Variants in DHX15 observed in about 807,000 individuals in gnomAD.
The protein encoded by DHX15 is DEAH-box helicase 15.
Under a neutral mutation model 94.4 loss-of-function variants are expected in DHX15, and 11 were observed. The ratio of observed to expected loss-of-function variants is 0.12; its 90% CI spans 0.07 to 0.19. DHX15 has a LOEUF of 0.19. Among genes scored for constraint, DHX15 ranks in the 10% least tolerant of loss-of-function variants. The pLI, the probability that DHX15 is intolerant of heterozygous loss-of-function variation, is 1.00. For synonymous variants in DHX15, 338 were observed against 329.9 expected, an observed-to-expected ratio of 1.02 and a Z score of -0.27; for missense variants, 304 against 988.5, an observed-to-expected ratio of 0.31 and a Z score of 9.29.
rs58459661 is a variant in DHX15 at position 24,550,094 on chromosome 4, C to CAAAAAAAAAAAAAAAAAAAAAAAAAAA, written c.1081-1099_1081-1073dup. Among the ~76,000 whole-genome samples the CAAAAAAAAAAAAAAAAAAAAAAAAAAA allele has an allele frequency of 8.4e-4, 42 of 49,742 alleles. 7 individuals carry two copies. Among genetic ancestry groups the CAAAAAAAAAAAAAAAAAAAAAAAAAAA allele is most frequent in the South Asian group, 4.8e-3 (4 of 836 alleles). 32.6% of individuals were successfully genotyped at this position (49,742 alleles called of 152,430 possible). A position where few individuals can be genotyped will look rare whatever the true frequency, so the allele number is the denominator to read the frequency against. ...GGGCAAAAAGAGGGAAACTCCGTCT[C>CAAAAAAAAAAAAAAAAAAAAAAAAAAA]AAAAAAAAAAAAAAAAAAAAAAAAA... On this transcript the variant is annotated intron_variant, in intron 5 of 13. Coordinates refer to ENST00000336812, the MANE Select transcript of DHX15 (RefSeq NM_001358.3).
intron 11 of DHX15, among the ~76,000 whole-genome samples, chr4:24,534,405 G>A (rs1721151399): frequency 6.6e-6 from 1 of 152,168 alleles, no homozygotes; most frequent in African/African-American, 2.4e-5. Flanking sequence ...ATGTACTACA[G>A]ATGGAAAAAT....
chr4:24,554,639 T>C (rs1238948691), intron 5 of DHX15, 86 bp downstream of exon 5: 2 of 1,009,156 alleles, frequency 2.0e-6, no homozygotes, highest in African/African-American at 3.2e-5. Flanking sequence ...ATAAAAAATA[T>C]GATTAACATG....
At chr4:24,535,891 C>T (rs1381227452) in intron 11 of DHX15, among the ~76,000 whole-genome samples, 2 of 152,022 alleles carry the variant, frequency 1.3e-5, no homozygotes, top group Non-Finnish European at 2.9e-5. Flanking sequence ...ACCAGACATA[C>T]AAAATTGGAA....
chr4:24,570,644 T>C lies in DHX15; in HGVS notation c.701+10A>G, dbSNP rs764434223. On this transcript the variant is annotated intron_variant, in intron 3 of 13. Transcript: ENST00000336812. ...AGGACTAAAAGCGTCATTAAAGATA[T>C]AGTACTTACTTAAGAATGGTTTTTG... 9.6e-5 allele frequency: 155 copies of C among 1,613,158 alleles called. No individual in the cohort carries two copies. Among genetic ancestry groups the C allele is most frequent in the Non-Finnish European group, 1.2e-4 (144 of 1,179,272 alleles).
intron 6 of DHX15, among the ~76,000 whole-genome samples, chr4:24,547,486 C>T (rs1371328281): frequency 6.6e-6 from 1 of 151,996 alleles, no homozygotes; most frequent in Non-Finnish European, 1.5e-5. Context: ...AAATATGGGC[C>T]CATATATCTC....
chr4:24,584,146 G>C, intron 1 of DHX15, 177 bp downstream of exon 1: 1 of 639,786 alleles, frequency 1.6e-6, no homozygotes, highest in South Asian at 2.0e-5. Context: ...AACCCCCCGC[G>C]CCCTTGCCGG....
chr4:24,547,222 C>A (rs1721444066), intron 6 of DHX15, among the ~76,000 whole-genome samples: 1 of 152,220 alleles, frequency 6.6e-6, no homozygotes, highest in Admixed American at 6.5e-5. Context: ...ACAGTTTCGG[C>A]TGAAACACCA....
At chr4:24,582,741 C>A (rs560849442) in intron 1 of DHX15, among the ~76,000 whole-genome samples, 1 of 152,188 alleles carries the variant, frequency 6.6e-6, no homozygotes, top group Non-Finnish European at 1.5e-5. Flanking sequence ...CTGTTCTCCA[C>A]TTCTCATTCC....
Position 24,570,789 on chromosome 4 carries a change from G to C in DHX15, c.566C>G (p.Ala189Gly). 1 of 1,614,158 alleles carries C rather than the reference G, an allele frequency of 6.2e-7. No homozygotes were observed. The highest frequency in any genetic ancestry group is 8.5e-7 in the Non-Finnish European group (1 of 1,180,032). ...AGCCACTCTCCTGGGTTGGGTACAG[G>C]CAACTCCTCTCTTGGGTCCTGGTAA... ...RSLPGPKRGV[A>G]CTQPRRVAAM... The change falls in exon 3 of 14, where the codon GCC (alanine) becomes GGC (glycine). Residue 189 changes from alanine (A) to glycine (G), a missense_variant. By Grantham distance (60) the Ala-to-Gly change is moderately conservative. Coordinates refer to ENST00000336812, the MANE Select transcript of DHX15 (RefSeq NM_001358.3).
intron 13 of DHX15, among the ~76,000 whole-genome samples, chr4:24,529,022 C>T (rs1406853553): frequency 1.3e-5 from 2 of 151,652 alleles, no homozygotes; most frequent in African/African-American, 4.8e-5. Flanking sequence ...AAAAAAAAAC[C>T]CTTTTTTAAA....
At chr4:24,578,706 C>G (rs1722337709) in intron 1 of DHX15, among the ~76,000 whole-genome samples, 1 of 152,100 alleles carries the variant, frequency 6.6e-6, no homozygotes, top group African/African-American at 2.4e-5. Context: ...ACTGGGACTA[C>G]AGGCATGCAC....
At chr4:24,556,874 A>G (rs1399706441) in intron 3 of DHX15, among the ~76,000 whole-genome samples, 1 of 152,196 alleles carries the variant, frequency 6.6e-6, no homozygotes, top group African/African-American at 2.4e-5. Flanking sequence ...TCCTTACTTA[A>G]TAAGCTAACA....
chr4:24,544,445 C>CT (rs1306190862), intron 6 of DHX15, among the ~76,000 whole-genome samples: 2 of 152,104 alleles, frequency 1.3e-5, no homozygotes, highest in African/African-American at 4.8e-5. Flanking sequence ...GTTGAAAAGA[C>CT]TGACAACTAG....
chr4:24,581,605 T>C (rs1231654687), intron 1 of DHX15, among the ~76,000 whole-genome samples: 2 of 152,206 alleles, frequency 1.3e-5, no homozygotes, highest in Non-Finnish European at 2.9e-5. Flanking sequence ...TCATCTACCA[T>C]ACAGGATTGT....
chr4:24,564,853 T>A (rs533974285), intron 3 of DHX15, among the ~76,000 whole-genome samples: 18 of 152,288 alleles, frequency 1.2e-4, no homozygotes, highest in African/African-American at 3.8e-4. Flanking sequence ...AGTGTTTCAA[T>A]GTTCAATACA....
intron 3 of DHX15, among the ~76,000 whole-genome samples, chr4:24,560,429 TGGGCAG>T (rs71930770): frequency 0.21 from 31,986 of 152,012 alleles, 3,617 homozygotes; most frequent in East Asian, 0.39. Flanking sequence ...AAACCAACAC[TGGGCAG>T]GGTATGATGC....
At chr4:24,574,762 G>A (rs983828889) in intron 2 of DHX15, among the ~76,000 whole-genome samples, 1 of 152,118 alleles carries the variant, frequency 6.6e-6, no homozygotes, top group Non-Finnish European at 1.5e-5. Flanking sequence ...ACGTAAATGA[G>A]CTAATACATG....
intron 6 of DHX15, among the ~76,000 whole-genome samples, chr4:24,547,943 C>A (rs10008876): frequency 0.034 from 2,389 of 70,972 alleles, 77 homozygotes; most frequent in African/African-American, 0.095. Flanking sequence ...ATATATATAT[C>A]TATATCTATA....
At chr4:24,575,098 G>A (rs1377831973) in intron 2 of DHX15, among the ~76,000 whole-genome samples, 1 of 150,650 alleles carries the variant, frequency 6.6e-6, no homozygotes, top group Non-Finnish European at 1.5e-5. Flanking sequence ...TTGACGCTGT[G>A]TTCATACCAC....
Sources: allele counts gnomAD v4.1 joint callset (sites outside exome capture counted in the v4.1 genomes callset), GRCh38; gene constraint gnomAD v4.1.1; transcripts MANE v1.5; gene names NCBI Gene and HGNC (gene_info 2026-07-23, HGNC 2026-07-21).